The following TBC1D19 variants were observed in gnomAD, a reference collection of about 807,000 sequenced individuals.
The protein encoded by TBC1D19 is TBC1 domain family, member 19.
Under a neutral mutation model 89.0 loss-of-function variants are expected in TBC1D19, and 60 were observed. That is an observed-to-expected ratio of 0.67 (90% CI 0.55 to 0.84). The LOEUF is 0.84. Among genes scored for constraint, TBC1D19 ranks in the 40% least tolerant of loss-of-function variants. The pLI, the probability that TBC1D19 is intolerant of heterozygous loss-of-function variation, is 0.00. For synonymous variants in TBC1D19, 189 were observed against 199.7 expected, an observed-to-expected ratio of 0.95 and a Z score of 0.45; for missense variants, 500 against 610.8, an observed-to-expected ratio of 0.82 and a Z score of 1.91.
chr4:26,725,032 C>G (rs1717219647), intron 15 of TBC1D19, among the ~76,000 whole-genome samples: 1 of 152,198 alleles, frequency 6.6e-6, no homozygotes, highest in South Asian at 2.1e-4. Context: ...AGGCAATCTC[C>G]TGAGCCAGTC....
At chr4:26,584,479 C>T (rs1258804833) in intron 1 of TBC1D19, among the ~76,000 whole-genome samples, 187 bp downstream of exon 1, 2 of 152,188 alleles carry the variant, frequency 1.3e-5, no homozygotes, top group Non-Finnish European at 2.9e-5. Context: ...AAAAACCCCA[C>T]CTCCCTGTCC....
chr4:26,715,721 G>T (rs1160227919), intron 13 of TBC1D19, among the ~76,000 whole-genome samples: 1 of 152,016 alleles, frequency 6.6e-6, no homozygotes, highest in Non-Finnish European at 1.5e-5. Context: ...GTGTGACCTT[G>T]ATATTTGAGC....
chr4:26,853,781 C>T, the TBC1D19 span, among the ~76,000 whole-genome samples: 1 of 152,160 alleles, frequency 6.6e-6, no homozygotes, highest in Non-Finnish European at 1.5e-5. Context: ...ATGATCTGTC[C>T]AGCTCAGCCT....
chr4:26,673,929 G>T (rs1453761046), intron 11 of TBC1D19, 41 bp downstream of exon 11: 3 of 1,243,692 alleles, frequency 2.4e-6, no homozygotes, highest in African/African-American at 1.5e-5. Context: ...TAGCTTTGGG[G>T]TATTTATTTT....
intron 1 of TBC1D19, among the ~76,000 whole-genome samples, chr4:26,578,090 G>T (rs1285150984): frequency 6.6e-6 from 1 of 152,174 alleles, no homozygotes; most frequent in Non-Finnish European, 1.5e-5. Flanking sequence ...CCATGGTCTT[G>T]CTCTGTCCAC....
chr4:26,857,205 C>T, the TBC1D19 span, among the ~76,000 whole-genome samples: 1 of 152,222 alleles, frequency 6.6e-6, no homozygotes, highest in Non-Finnish European at 1.5e-5. Flanking sequence ...GGAGCCATCA[C>T]ATTGTCTATA....
chr4:26,628,693 C>G (rs968458679), intron 4 of TBC1D19, among the ~76,000 whole-genome samples: 3 of 152,016 alleles, frequency 2.0e-5, no homozygotes, highest in Admixed American at 6.6e-5. Flanking sequence ...ACAAAAATCA[C>G]AAGCATTCTT....
chr4:26,823,579 G>A, the TBC1D19 span, among the ~76,000 whole-genome samples: 8 of 152,284 alleles, frequency 5.3e-5, 1 homozygote, highest in South Asian at 1.7e-3. Flanking sequence ...AGTTGCGGGG[G>A]CCTTTGTGTG....
chr4:26,825,863 A>G, the TBC1D19 span, among the ~76,000 whole-genome samples: 383 of 152,374 alleles, frequency 2.5e-3, 2 homozygotes, highest in African/African-American at 8.2e-3. Context: ...GCCTGGTCCA[A>G]GTTAAGCCTG....
chr4:26,834,684 C>T, the TBC1D19 span, among the ~76,000 whole-genome samples: 1 of 152,134 alleles, frequency 6.6e-6, no homozygotes, highest in South Asian at 2.1e-4. Flanking sequence ...GCCTTTCTGG[C>T]TACTCGTTTT....
At chr4:26,853,641 C>T in the TBC1D19 span, among the ~76,000 whole-genome samples, 3 of 152,036 alleles carry the variant, frequency 2.0e-5, no homozygotes, top group South Asian at 2.1e-4. Flanking sequence ...AGGTTCAAGC[C>T]GTTCTCCTGG....
the TBC1D19 span, among the ~76,000 whole-genome samples, chr4:26,850,921 G>C: frequency 1.3e-5 from 2 of 152,142 alleles, no homozygotes; most frequent in East Asian, 3.8e-4. Context: ...TGAGTTGGTG[G>C]ACTGAGTGGG....
At chr4:26,854,888 T>C in the TBC1D19 span, among the ~76,000 whole-genome samples, 1 of 152,208 alleles carries the variant, frequency 6.6e-6, no homozygotes, top group South Asian at 2.1e-4. Flanking sequence ...CTGGCTTCTC[T>C]GGCAGCTGCC....
At chr4:26,617,267 C>G (rs547132069) in intron 3 of TBC1D19, among the ~76,000 whole-genome samples, 2 of 152,324 alleles carry the variant, frequency 1.3e-5, no homozygotes, top group East Asian at 1.9e-4. Context: ...CTCTTATGGC[C>G]TAATCACTTC....
intron 13 of TBC1D19, among the ~76,000 whole-genome samples, chr4:26,694,098 G>T (rs62412678): frequency 0.36 from 55,119 of 151,828 alleles, 11,310 homozygotes; most frequent in Non-Finnish European, 0.47. Context: ...GCAGGGTGAG[G>T]CATTGCCTCA....
the TBC1D19 span, among the ~76,000 whole-genome samples, chr4:26,838,697 TA>T: frequency 6.6e-6 from 1 of 152,324 alleles, no homozygotes; most frequent in East Asian, 1.9e-4. Context: ...AAGTCAAAGT[TA>T]AAATCTGATT....
intron 7 of TBC1D19, among the ~76,000 whole-genome samples, chr4:26,650,928 A>G (rs1008253399): frequency 2.0e-5 from 3 of 152,190 alleles, no homozygotes; most frequent in Non-Finnish European, 2.9e-5. Flanking sequence ...TCAGCTCTCT[A>G]CATATGGTTA....
At chr4:26,795,993 A>G in the TBC1D19 span, among the ~76,000 whole-genome samples, 1 of 152,300 alleles carries the variant, frequency 6.6e-6, no homozygotes, top group South Asian at 2.1e-4. Flanking sequence ...TTTTTTACAC[A>G]AATGTTAATA....
chr4:26,705,826 C>T (rs1715695034), intron 13 of TBC1D19, among the ~76,000 whole-genome samples: 1 of 151,976 alleles, frequency 6.6e-6, no homozygotes. Flanking sequence ...GTAATACTGG[C>T]CTCACAGAAT....
Sources: allele counts gnomAD v4.1 joint callset (sites outside exome capture counted in the v4.1 genomes callset), GRCh38; gene constraint gnomAD v4.1.1; transcripts MANE v1.5; gene names NCBI Gene and HGNC (gene_info 2026-07-23, HGNC 2026-07-21).